HEMK2: variants seen among roughly 807,000 people sequenced by gnomAD.
HEMK2 encodes methyltransferase HEMK2.
chr21:28,719,012 C>A, the HEMK2 span, among the ~76,000 whole-genome samples: 1 of 152,126 alleles, frequency 6.6e-6, no homozygotes, highest in Non-Finnish European at 1.5e-5. Flanking sequence ...AAGCCAGTCC[C>A]CAAAAAAGGC....
chr21:28,826,276 G>A, the HEMK2 span, among the ~76,000 whole-genome samples: 1 of 152,130 alleles, frequency 6.6e-6, no homozygotes, highest in Non-Finnish European at 1.5e-5. Flanking sequence ...ATCAGTAGGG[G>A]AACTAAAACC....
At chr21:28,834,628 G>A in the HEMK2 span, among the ~76,000 whole-genome samples, 612 of 152,286 alleles carry the variant, frequency 4.0e-3, 3 homozygotes, top group African/African-American at 0.014. Context: ...CAATTAGAAC[G>A]GGGGTTGAAG....
the HEMK2 span, among the ~76,000 whole-genome samples, chr21:28,765,975 T>TA: frequency 1.3e-5 from 2 of 152,002 alleles, no homozygotes; most frequent in Non-Finnish European, 2.9e-5. Flanking sequence ...TATGCAGCCA[T>TA]AAAAAAGAAT....
At chr21:28,848,267 T>C in the HEMK2 span, among the ~76,000 whole-genome samples, 2 of 152,218 alleles carry the variant, frequency 1.3e-5, no homozygotes, top group African/African-American at 4.8e-5. Flanking sequence ...GGAATGTTTT[T>C]TCATTTGTTC....
chr21:28,744,570 T>G, the HEMK2 span, among the ~76,000 whole-genome samples: 1 of 152,302 alleles, frequency 6.6e-6, no homozygotes, highest in Admixed American at 6.5e-5. Context: ...TGTTTCATAG[T>G]AGCAAAGGAT....
the HEMK2 span, among the ~76,000 whole-genome samples, chr21:28,854,588 C>T: frequency 1.3e-5 from 2 of 152,114 alleles, no homozygotes; most frequent in African/African-American, 2.4e-5. Context: ...TCCCACAATA[C>T]GCCATCTGCA....
At chr21:28,877,553 AAAAAG>A in the HEMK2 span, among the ~76,000 whole-genome samples, 1 of 146,906 alleles carries the variant, frequency 6.8e-6, no homozygotes, top group African/African-American at 2.5e-5. Context: ...AGAGATAAAG[AAAAAG>A]AAAAGGAAAG....
At chr21:28,677,204 C>T in the HEMK2 span, among the ~76,000 whole-genome samples, 1 of 152,222 alleles carries the variant, frequency 6.6e-6, no homozygotes, top group South Asian at 2.1e-4. Context: ...CACCCTAATA[C>T]TGTGCTTTTC....
chr21:28,636,445 T>C, the HEMK2 span, among the ~76,000 whole-genome samples: 1 of 152,182 alleles, frequency 6.6e-6, no homozygotes, highest in Non-Finnish European at 1.5e-5. Context: ...CTTTTTAACG[T>C]AAAACCATCA....
the HEMK2 span, among the ~76,000 whole-genome samples, chr21:28,677,847 G>C: frequency 2.0e-5 from 3 of 152,228 alleles, no homozygotes; most frequent in African/African-American, 4.8e-5. Context: ...CTGAGTGTTA[G>C]AAGGAAAACT....
the HEMK2 span, among the ~76,000 whole-genome samples, chr21:28,824,469 A>T: frequency 5.9e-5 from 9 of 152,244 alleles, no homozygotes; most frequent in Admixed American, 5.9e-4. Context: ...TGCAAGAAAC[A>T]GTTTTTACAG....
chr21:28,674,769 G>A, the HEMK2 span: 6 of 146,590 alleles, frequency 4.1e-5, no homozygotes, highest in Non-Finnish European at 8.9e-5. Context: ...GAAGTCCCAG[G>A]TCAAGGTGGT....
chr21:28,822,588 T>C, the HEMK2 span, among the ~76,000 whole-genome samples: 7 of 150,894 alleles, frequency 4.6e-5, no homozygotes, highest in African/African-American at 7.4e-5. Flanking sequence ...TATATATATA[T>C]ATACACATAT....
chr21:28,825,236 C>T, the HEMK2 span, among the ~76,000 whole-genome samples: 2 of 152,130 alleles, frequency 1.3e-5, no homozygotes, highest in East Asian at 3.9e-4. Flanking sequence ...CTTGTTAGAA[C>T]ACAAATTGCT....
At chr21:28,866,066 G>T in the HEMK2 span, among the ~76,000 whole-genome samples, 1 of 150,252 alleles carries the variant, frequency 6.7e-6, no homozygotes, top group Non-Finnish European at 1.5e-5. Flanking sequence ...ACTTTGGGAG[G>T]CTAAGGCAGG....
chr21:28,648,602 A>G, the HEMK2 span, among the ~76,000 whole-genome samples: 1 of 152,140 alleles, frequency 6.6e-6, no homozygotes, highest in Non-Finnish European at 1.5e-5. Flanking sequence ...CTAGCAGTAG[A>G]AGAGACTTTT....
chr21:28,813,281 A>T, the HEMK2 span, among the ~76,000 whole-genome samples: 1 of 152,228 alleles, frequency 6.6e-6, no homozygotes, highest in Non-Finnish European at 1.5e-5. Context: ...AATGTGCAAA[A>T]ATCACAAGCA....
chr21:28,805,475 G>C, the HEMK2 span, among the ~76,000 whole-genome samples: 3 of 152,302 alleles, frequency 2.0e-5, no homozygotes, highest in East Asian at 3.9e-4. Flanking sequence ...AGTAAAAAGA[G>C]TTGATTGAAA....
chr21:28,885,070 G>C, the HEMK2 span: 121 of 1,240,726 alleles, frequency 9.8e-5, 1 homozygote, highest in African/African-American at 1.7e-3. Flanking sequence ...CTCAATTACG[G>C]CGTCCTGGCT....
Sources: allele counts gnomAD v4.1 joint callset (sites outside exome capture counted in the v4.1 genomes callset), GRCh38; gene constraint gnomAD v4.1.1; transcripts MANE v1.5; gene names NCBI Gene and HGNC (gene_info 2026-07-23, HGNC 2026-07-21).